The following RAPGEF1 variants were observed in gnomAD, a reference collection of about 807,000 sequenced individuals.
The protein encoded by RAPGEF1 is CRK SH3-binding GNRP.
A neutral mutation model predicts 143.3 loss-of-function variants in RAPGEF1; 33 were observed. The ratio of observed to expected loss-of-function variants is 0.23; its 90% confidence interval spans 0.17 to 0.31. The LOEUF is 0.31. Among genes scored for constraint, RAPGEF1 ranks in the 10% least tolerant of loss-of-function variants. The probability of loss-of-function intolerance (pLI) is 1.00; values close to 1 mark genes in which losing one functional copy is unlikely to be tolerated. For synonymous variants in RAPGEF1, 629 were observed against 676.5 expected, an observed-to-expected ratio of 0.93 and a Z score of 1.09; for missense variants, 1,199 against 1,645.4, an observed-to-expected ratio of 0.73 and a Z score of 4.69.
At chr9:131,701,014 C>T (rs367568844) in intron 1 of RAPGEF1, among the ~76,000 whole-genome samples, 2 of 152,042 alleles carry the variant, frequency 1.3e-5, no homozygotes, top group African/African-American at 2.4e-5. Context: ...GCAAACTTCT[C>T]GGTAGTCCAC....
At chr9:131,678,382 T>G (rs1342409638) in intron 1 of RAPGEF1, among the ~76,000 whole-genome samples, 1 of 152,262 alleles carries the variant, frequency 6.6e-6, no homozygotes, top group African/African-American at 2.4e-5. Flanking sequence ...GAATCTGGTC[T>G]TCAACTTTGC....
intron 1 of RAPGEF1, among the ~76,000 whole-genome samples, chr9:131,679,838 A>C (rs1832760780): frequency 3.3e-5 from 5 of 152,236 alleles, no homozygotes; most frequent in African/African-American, 1.2e-4. Flanking sequence ...TCCCTGCCAC[A>C]GGGGCCTCTT....
intron 1 of RAPGEF1, among the ~76,000 whole-genome samples, chr9:131,665,871 T>C (rs1366707180): frequency 6.6e-6 from 1 of 152,210 alleles, no homozygotes; most frequent in East Asian, 1.9e-4. Flanking sequence ...CCCATCTATC[T>C]ACCTTACTGT....
Position 131,715,202 on chromosome 9 carries a change from G to A in RAPGEF1, c.61+24568C>T, listed in dbSNP as rs566161393. Among the ~76,000 whole-genome samples, 6 of 152,276 alleles carry A rather than the reference G, an allele frequency of 3.9e-5. No individual in the cohort carries two copies. In the South Asian group the frequency reaches 8.3e-4, roughly 21 times the overall value. ...AGATTTACTCAACAAATACCAACAC[G>A]GAGCTTGGGGAGGGTCGGATAACAT... On this transcript the variant is annotated intron_variant, in intron 1 of 26. Coordinates refer to ENST00000683357, the MANE Select transcript of RAPGEF1 (RefSeq NM_001377935.1).
At chr9:131,612,986 C>T (rs1053359482) in intron 12 of RAPGEF1, among the ~76,000 whole-genome samples, 3 of 152,202 alleles carry the variant, frequency 2.0e-5, no homozygotes, top group African/African-American at 4.8e-5. Context: ...CAGTTCACAG[C>T]CCATCCCCTC....
At chr9:131,711,453 G>A (rs1564192261) in intron 1 of RAPGEF1, among the ~76,000 whole-genome samples, 1 of 150,884 alleles carries the variant, frequency 6.6e-6, no homozygotes, top group African/African-American at 2.4e-5. Flanking sequence ...TGCTTCCTAA[G>A]CTCAAGTGAT....
At chr9:131,622,085 G>A (rs1356879655) in intron 10 of RAPGEF1, 87 bp from the exon 11 acceptor site, 13 of 1,332,684 alleles carry the variant, frequency 9.8e-6, no homozygotes, top group Non-Finnish European at 1.3e-5. Flanking sequence ...AGCAGCTAGG[G>A]GGCTTTCCAC....
chr9:131,669,163 A>G (rs1003672446), intron 1 of RAPGEF1, among the ~76,000 whole-genome samples: 1 of 152,220 alleles, frequency 6.6e-6, no homozygotes. Flanking sequence ...CTGCTGCGCT[A>G]GCCCTGCTCA....
chr9:131,631,182 A>T (rs370303526), intron 5 of RAPGEF1, among the ~76,000 whole-genome samples: 27 of 152,338 alleles, frequency 1.8e-4, no homozygotes, highest in African/African-American at 5.1e-4. Flanking sequence ...TCTTTTTAAA[A>T]ACAGCTTTAT....
At chr9:131,685,914 T>G (rs889079831) in intron 1 of RAPGEF1, among the ~76,000 whole-genome samples, 1 of 152,136 alleles carries the variant, frequency 6.6e-6, no homozygotes, top group Non-Finnish European at 1.5e-5. Flanking sequence ...GAGACACATT[T>G]TAGGCAAATC....
intron 17 of RAPGEF1, 77 bp from the exon 18 acceptor site, chr9:131,592,260 C>A: frequency 8.3e-7 from 1 of 1,209,414 alleles, no homozygotes; most frequent in South Asian, 1.3e-5. Context: ...GGATTTGAGT[C>A]CTTGCTCTGA....
chr9:131,630,375 T>A, intron 5 of RAPGEF1, 51 bp from the exon 6 acceptor site: 1 of 1,580,416 alleles, frequency 6.3e-7, no homozygotes, highest in Non-Finnish European at 8.7e-7. Context: ...ACCACTGAGT[T>A]TCCACCAGAA....
intron 1 of RAPGEF1, among the ~76,000 whole-genome samples, chr9:131,665,385 T>A (rs1167091078): frequency 6.6e-6 from 1 of 152,134 alleles, no homozygotes; most frequent in African/African-American, 2.4e-5. Flanking sequence ...ACCTTAATGG[T>A]ACATTCAGAA....
At chr9:131,636,658 A>C (rs1197888402) in intron 5 of RAPGEF1, among the ~76,000 whole-genome samples, 8 of 152,354 alleles carry the variant, frequency 5.3e-5, no homozygotes, top group Non-Finnish European at 8.8e-5. Context: ...CCTGAAGAAT[A>C]ACAATTTTCA....
At chr9:131,639,345 G>C (rs1967086898) in intron 4 of RAPGEF1, among the ~76,000 whole-genome samples, 1 of 152,162 alleles carries the variant, frequency 6.6e-6, no homozygotes, top group East Asian at 1.9e-4. Flanking sequence ...CAGACGTCAG[G>C]AGCGCACGAA....
At chr9:131,623,950 G>A (rs966170459) in intron 10 of RAPGEF1, among the ~76,000 whole-genome samples, 9 of 152,182 alleles carry the variant, frequency 5.9e-5, no homozygotes, top group Non-Finnish European at 7.3e-5. Flanking sequence ...GGGTCCCCTC[G>A]GGGAGTGAAC....
intron 12 of RAPGEF1, among the ~76,000 whole-genome samples, chr9:131,609,070 G>A (rs1957583667): frequency 6.6e-6 from 1 of 152,150 alleles, no homozygotes; most frequent in South Asian, 2.1e-4. Context: ...AGGGCTGCCT[G>A]TCTGAGACTT....
chr9:131,618,155 G>C (rs752922893), intron 12 of RAPGEF1, among the ~76,000 whole-genome samples: 19 of 152,242 alleles, frequency 1.2e-4, no homozygotes, highest in Non-Finnish European at 2.6e-4. Flanking sequence ...AATGGAACAG[G>C]CATCACACTA....
intron 1 of RAPGEF1, among the ~76,000 whole-genome samples, chr9:131,662,352 A>G (rs934277290): frequency 6.6e-6 from 1 of 152,082 alleles, no homozygotes; most frequent in Admixed American, 6.5e-5. Flanking sequence ...TGTTGTCTAC[A>G]GTTCCTTTCC....
Sources: allele counts gnomAD v4.1 joint callset (sites outside exome capture counted in the v4.1 genomes callset), GRCh38; gene constraint gnomAD v4.1.1; transcripts MANE v1.5; gene names NCBI Gene and HGNC (gene_info 2026-07-23, HGNC 2026-07-21).